The following DYNC2H1 variants were observed in gnomAD, a reference collection of about 807,000 sequenced individuals.
DYNC2H1 encodes cytoplasmic dynein 2 heavy chain 1.
A neutral mutation model predicts 570.0 loss-of-function variants in DYNC2H1; 410 were observed. The ratio of observed to expected loss-of-function variants is 0.72; its 90% CI spans 0.66 to 0.78. DYNC2H1 has a LOEUF of 0.78. Among genes scored for constraint, DYNC2H1 ranks in the 30% least tolerant of loss-of-function variants. The probability of loss-of-function intolerance (pLI) is 0.00; values close to 1 mark genes in which losing one functional copy is unlikely to be tolerated. For missense variants in DYNC2H1, 4,865 were observed against 5,046.4 expected, an observed-to-expected ratio of 0.96 and a Z score of 1.09; for synonymous variants, 1,688 against 1,677.6, an observed-to-expected ratio of 1.01 and a Z score of -0.15.
intron 83 of DYNC2H1, among the ~76,000 whole-genome samples, chr11:103,383,098 T>C (rs558386240): frequency 6.6e-6 from 1 of 152,244 alleles, no homozygotes; most frequent in African/African-American, 2.4e-5. Flanking sequence ...GAAGTACTGA[T>C]GTGTTTGAGG....
chr11:103,255,291 T>A, intron 66 of DYNC2H1, 124 bp from the exon 67 acceptor site: 1 of 1,083,136 alleles, frequency 9.2e-7, no homozygotes, highest in Non-Finnish European at 1.3e-6. Flanking sequence ...TTAGAAAGAA[T>A]GAAATGAGAT....
At chr11:103,251,298 A>G (rs1864820826) in intron 65 of DYNC2H1, among the ~76,000 whole-genome samples, 1 of 152,094 alleles carries the variant, frequency 6.6e-6, no homozygotes, top group Non-Finnish European at 1.5e-5. Flanking sequence ...TAAATGTTTC[A>G]AGCTTTAGAG....
At position 103,135,770 on chromosome 11, in the gene DYNC2H1, A is replaced by C. The variant is rs368233476; in HGVS notation, c.2396A>C (p.Tyr799Ser). ...RPPFEEIRAK[Y>S]YREMKRFIGI... is the part of the protein sequence containing the mutation. Reference sequence around the variant, plus strand: ...CCTTTTGAAGAAATCCGGGCTAAATATTATAGAGAAATGAAGAGATTCATC... The same window carrying C: ...CCTTTTGAAGAAATCCGGGCTAAATCTTATAGAGAAATGAAGAGATTCATC... Residue 799 changes from tyrosine (Y) to serine (S), a missense_variant, in exon 17 of 89, where the codon TAT becomes TCT. Coordinates refer to ENST00000375735, the MANE Select transcript of DYNC2H1 (RefSeq NM_001377.3). The C allele has an allele frequency of 3.1e-6, 5 of 1,612,792 alleles. No homozygotes were observed. Among genetic ancestry groups the C allele is most frequent in the Non-Finnish European group, 4.2e-6 (5 of 1,179,400 alleles).
chr11:103,189,950 T>C lies in DYNC2H1; in HGVS notation c.7437+134T>C. ...TTAGACTTTTCTAGTAGAGAGTAAC[T>C]GTGAAGACAGGTGCTGTGTGTGCCT... On this transcript the variant is annotated intron_variant, in intron 45 of 88. Transcript: ENST00000375735. The surrounding 1 kb of genome is among the most constrained non-coding windows in gnomAD (Gnocchi z 4.3). 1.1e-6 allele frequency: 1 copy of C among 883,180 alleles called. No homozygotes were observed. 54.7% of individuals were successfully genotyped at this position (883,180 alleles called of 1,614,324 possible).
intron 82 of DYNC2H1, among the ~76,000 whole-genome samples, chr11:103,348,756 C>CA (rs1939890482): frequency 6.6e-6 from 1 of 152,172 alleles, no homozygotes; most frequent in African/African-American, 2.4e-5. Flanking sequence ...GCTGTGCCCT[C>CA]ACCCAAATCT....
In DYNC2H1 at chr11:103,292,679, C is replaced by A. The variant is rs981756749; in HGVS notation, c.11095+5074C>A. Reference sequence around the variant, plus strand: ...CTGTCCTCACAATAGTGAGTGAGTTCTCTCAAGACCTGGTTGTTTAAGCAT... The same window carrying A: ...CTGTCCTCACAATAGTGAGTGAGTTATCTCAAGACCTGGTTGTTTAAGCAT... On this transcript the variant is annotated intron_variant, in intron 75 of 88. Transcript: ENST00000375735. Among the ~76,000 whole-genome samples the A allele has an allele frequency of 3.9e-5, 6 of 152,122 alleles. No homozygotes were observed. The East Asian group carries it at 9.7e-4, about 25-fold the overall frequency.
rs1448208195 is a variant in DYNC2H1 at position 103,177,089 on chromosome 11, A to T, written c.5875-467A>T. ...GTAATGGATTCATCATTTTTTTATA[A>T]TTGATTATATATATGATTTAGTTTC... On this transcript the variant is annotated intron_variant, in intron 37 of 88. Transcript: ENST00000375735. This position sits in a 1 kb window ranked among gnomAD's most constrained non-coding sequence, Gnocchi z 4.4. Among the ~76,000 whole-genome samples, 1 of 152,036 alleles carries T rather than the reference A, an allele frequency of 6.6e-6. No homozygotes were observed. Among genetic ancestry groups the T allele is most frequent in the Non-Finnish European group, 1.5e-5 (1 of 67,990 alleles).
At chr11:103,407,485 C>T (rs1942909080) in intron 84 of DYNC2H1, 1 of 151,820 alleles carries the variant, frequency 6.6e-6, no homozygotes, top group South Asian at 2.1e-4. Context: ...GGCATTGAGA[C>T]ATATGCAGAA....
At chr11:103,284,886 G>A (rs688342) in intron 73 of DYNC2H1, among the ~76,000 whole-genome samples, 7 of 151,838 alleles carry the variant, frequency 4.6e-5, no homozygotes, top group Non-Finnish European at 8.8e-5. Flanking sequence ...ATCTTACACC[G>A]CACTCTTGAA....
chr11:103,242,433 A>T (rs1184104669), intron 63 of DYNC2H1, among the ~76,000 whole-genome samples: 1 of 152,148 alleles, frequency 6.6e-6, no homozygotes, highest in Non-Finnish European at 1.5e-5. Flanking sequence ...GGTAACTGAA[A>T]CCATGAAAAT....
At chr11:103,448,008 A>G (rs1057048922) in intron 85 of DYNC2H1, among the ~76,000 whole-genome samples, 2 of 152,326 alleles carry the variant, frequency 1.3e-5, no homozygotes, top group South Asian at 2.1e-4. Context: ...TACCTAAGAC[A>G]TAATTATAAA....
rs1867222633 is a variant in DYNC2H1 at position 103,305,078 on chromosome 11, C to G, written c.11382+358C>G. Among the ~76,000 whole-genome samples the G allele has an allele frequency of 6.6e-6, 1 of 151,964 alleles. No individual in the cohort carries two copies. Among genetic ancestry groups the G allele is most frequent in the African/African-American group, 2.4e-5 (1 of 41,368 alleles). On this transcript the variant is annotated intron_variant, in intron 77 of 88. Coordinates refer to ENST00000375735, the MANE Select transcript of DYNC2H1 (RefSeq NM_001377.3). This position sits in a 1 kb window ranked among gnomAD's most constrained non-coding sequence, Gnocchi z 4.3. The stretch of plus-strand genomic sequence containing the variant: ...GTGTCAGAGGGAACTGCCTAACTTC[C>G]TAGGTGCTAAGGAAGCTAGAGAATA...
At chr11:103,281,289 T>A (rs1478244129) in intron 71 of DYNC2H1, among the ~76,000 whole-genome samples, 1 of 152,114 alleles carries the variant, frequency 6.6e-6, no homozygotes, top group East Asian at 1.9e-4. Flanking sequence ...TTATTCCTGC[T>A]GTTAACTTTG....
chr11:103,165,377 C>T (rs1057437554), intron 30 of DYNC2H1, among the ~76,000 whole-genome samples: 2 of 152,204 alleles, frequency 1.3e-5, no homozygotes, highest in Non-Finnish European at 2.9e-5. Flanking sequence ...GATCCACCCA[C>T]CTCAGCCTTC....
At chr11:103,455,863 G>C (rs1460454873) in intron 86 of DYNC2H1, among the ~76,000 whole-genome samples, 1 of 151,912 alleles carries the variant, frequency 6.6e-6, no homozygotes, top group East Asian at 1.9e-4. Context: ...GTAATAAAAG[G>C]GACATTACTA....
At chr11:103,409,701 C>T (rs1041765675) in intron 84 of DYNC2H1, 7 of 154,776 alleles carry the variant, frequency 4.5e-5, no homozygotes, top group East Asian at 1.9e-4. Context: ...TCACCAGGCT[C>T]GGTAGGTTTG....
At chr11:103,156,322 T>C in intron 25 of DYNC2H1, 66 bp from the exon 26 acceptor site, 1 of 1,413,548 alleles carries the variant, frequency 7.1e-7, no homozygotes, top group South Asian at 1.4e-5. Flanking sequence ...TAAAATACTT[T>C]TCTATTAATT....
rs577847981 is a variant in DYNC2H1, at chr11:103,397,462, A to G, written c.12157-2201A>G. On this transcript the variant is annotated intron_variant, in intron 83 of 88. Transcript: ENST00000375735. The stretch of plus-strand genomic sequence containing the variant: ...AAATGTTGAGTTTATTTTCAAGACT[A>G]CGTAACATACAATTTAACATGTTGC... Among the ~76,000 whole-genome samples the G allele has an allele frequency of 1.1e-3, 170 of 152,358 alleles. 1 individual carries two copies. The highest frequency in any genetic ancestry group is 4.0e-3 in the African/African-American group (168 of 41,588).
rs116396806 is a variant in DYNC2H1, at chr11:103,334,891, C to A, written c.12039+10901C>A. Among the ~76,000 whole-genome samples, 519 of 152,158 alleles carry A rather than the reference C, an allele frequency of 3.4e-3. 3 individuals are homozygous for A. Among genetic ancestry groups the A allele is most frequent in the African/African-American group, 0.012 (497 of 41,540 alleles). ...AGAGAGAAGGGTATTTTCTAGTAAT[C>A]TTCTCTGCAACTTTCAGCTGTAAAA... On this transcript the variant is annotated intron_variant, in intron 82 of 88. Coordinates refer to ENST00000375735, the MANE Select transcript of DYNC2H1 (RefSeq NM_001377.3). This position sits in a 1 kb window ranked among gnomAD's most constrained non-coding sequence, Gnocchi z 4.3.
Sources: gnomAD v4.1 joint callset for allele counts (sites outside exome capture counted in the v4.1 genomes callset) on GRCh38, gnomAD v4.1.1 for gene constraint, Gnocchi (gnomAD v3.1) non-coding constraint, MANE v1.5 for transcripts, NCBI Gene and HGNC (gene_info 2026-07-23, HGNC 2026-07-21) for gene names.